GREM1: variants seen among roughly 807,000 people sequenced by gnomAD.
GREM1 encodes the protein gremlin 1, DAN family BMP antagonist.
A neutral mutation model predicts 13.1 loss-of-function variants in GREM1; 6 were observed. The ratio of observed to expected loss-of-function variants is 0.46; its 90% CI spans 0.25 to 0.91. The LOEUF (loss-of-function observed/expected upper bound fraction) is 0.91, where lower values mean the gene tolerates loss of function less well. Among genes scored for constraint, GREM1 ranks in the 40% least tolerant of loss-of-function variants. GREM1 has a pLI of 0.18. For synonymous variants in GREM1, 98 were observed against 93.7 expected, an observed-to-expected ratio of 1.05 and a Z score of -0.27; for missense variants, 185 against 233.9, an observed-to-expected ratio of 0.79 and a Z score of 1.36.
chr15:32,722,973 T>G (rs575509189), intron 1 of GREM1, among the ~76,000 whole-genome samples: 6 of 152,196 alleles, frequency 3.9e-5, no homozygotes, highest in Non-Finnish European at 7.3e-5. Context: ...TGATGCACCC[T>G]GAGTCTATGA....
rs1218112152 is a variant in GREM1 at position 32,740,627 on chromosome 15, A to T, written c.*9382A>T. The T allele has an allele frequency of 6.6e-6, 1 of 152,200 alleles. No homozygotes were observed. Among genetic ancestry groups the T allele is most frequent in the African/African-American group, 2.4e-5 (1 of 41,454 alleles). 9.4% of individuals were successfully genotyped at this position (152,200 alleles called of 1,614,324 possible). ...CATCAAGCTGAACAATATACTCATT[A>T]TTGGCATCACAGAATAAAAGAGAGA... On this transcript the variant is annotated 3_prime_UTR_variant, in exon 2 of 2. Coordinates refer to ENST00000651154, the MANE Select transcript of GREM1 (RefSeq NM_013372.7).
Position 32,736,088 on chromosome 15 carries a change from G to A in GREM1, c.*4843G>A, listed in dbSNP as rs1200938013. 1.3e-5 allele frequency: 2 copies of A among 152,190 alleles called. No individual in the cohort carries two copies. Among genetic ancestry groups the A allele is most frequent in the Admixed American group, 6.5e-5 (1 of 15,280 alleles). The allele number at this position is 152,190 out of a possible 1,614,324, so 9.4% of individuals were successfully genotyped here. A position where few individuals can be genotyped will look rare whatever the true frequency, so the allele number is the denominator to read the frequency against. On this transcript the variant is annotated 3_prime_UTR_variant, in exon 2 of 2. Coordinates refer to ENST00000651154, the MANE Select transcript of GREM1 (RefSeq NM_013372.7). ...AATCAGCAGTCTGGCAGCCACTGAA[G>A]GTGACAGAATGGAGTTGGAGTTCTT...
At chr15:32,718,233 G>T (rs1334658987) in intron 1 of GREM1, 72 bp downstream of exon 1, 23 of 1,189,176 alleles carry the variant, frequency 1.9e-5, no homozygotes, top group Non-Finnish European at 2.5e-5. Context: ...CCCAGGACCC[G>T]CTCAGTTCCA....
Position 32,732,246 on chromosome 15 carries a change from CA to C in GREM1, c.*1006del. ...TCTCTGCATAGGGGTGGGAATTAAT[CA>C]AAAACCTCAGAGGCTGAAATTCCTA... On this transcript the variant is annotated 3_prime_UTR_variant, in exon 2 of 2. Coordinates refer to ENST00000651154, the MANE Select transcript of GREM1 (RefSeq NM_013372.7). 1 of 238,654 alleles carries C rather than the reference CA, an allele frequency of 4.2e-6. No individual in the cohort carries two copies. The allele number at this position is 238,654 out of a possible 1,614,324, so 14.8% of individuals were successfully genotyped here.
At chr15:32,727,716 T>C (rs2055537862) in intron 1 of GREM1, among the ~76,000 whole-genome samples, 1 of 152,218 alleles carries the variant, frequency 6.6e-6, no homozygotes, top group South Asian at 2.1e-4. Context: ...TGTTTGCAGA[T>C]GACATGATTG....
chr15:32,728,311 A>T (rs1017047083), intron 1 of GREM1, among the ~76,000 whole-genome samples: 1 of 152,134 alleles, frequency 6.6e-6, no homozygotes, highest in Non-Finnish European at 1.5e-5. Flanking sequence ...AAGTAAAGTA[A>T]TTTTTTTGTT....
At chr15:32,720,872 C>T (rs2055394518) in intron 1 of GREM1, among the ~76,000 whole-genome samples, 1 of 152,128 alleles carries the variant, frequency 6.6e-6, no homozygotes, top group Admixed American at 6.6e-5. Context: ...AAACTGCTGG[C>T]TGGGCTAGGC....
chr15:32,725,855 G>C (rs982600194), intron 1 of GREM1, among the ~76,000 whole-genome samples: 5 of 151,988 alleles, frequency 3.3e-5, no homozygotes, highest in African/African-American at 1.2e-4. Context: ...TTCTGCGTAT[G>C]GCTAGCCGGT....
At position 32,743,407 on chromosome 15, in the gene GREM1, T is replaced by C. The variant is rs780012777; in HGVS notation, c.*12162T>C. The stretch of plus-strand genomic sequence containing the variant: ...TATCCTGATGAATTTTTTTCTTGGA[T>C]TGAGCCATGTCTGAAGTCAAGCCAA... On this transcript the variant is annotated 3_prime_UTR_variant, in exon 2 of 2. Coordinates refer to ENST00000651154, the MANE Select transcript of GREM1 (RefSeq NM_013372.7). The C allele has an allele frequency of 6.6e-6, 1 of 152,212 alleles. No homozygotes were observed. Among genetic ancestry groups the C allele is most frequent in the African/African-American group, 2.4e-5 (1 of 41,454 alleles). 9.4% of individuals were successfully genotyped at this position (152,212 alleles called of 1,614,324 possible). A position where few individuals can be genotyped will look rare whatever the true frequency, so the allele number is the denominator to read the frequency against.
Position 32,744,713 on chromosome 15 carries a change from GTTATCCT to G in GREM1, c.*13469_*13475del. On this transcript the variant is annotated 3_prime_UTR_variant, in exon 2 of 2. Coordinates refer to ENST00000651154, the MANE Select transcript of GREM1 (RefSeq NM_013372.7). ...TACAGATGCAGGATAACAATGCAGT[GTTATCCT>G]GCATCTGTACAATCAAGCACCCAAA... is the stretch of plus-strand genomic sequence containing the variant. 6.6e-6 allele frequency: 1 copy of G among 151,872 alleles called. No individual in the cohort carries two copies. The highest frequency in any genetic ancestry group is 1.9e-4 in the East Asian group (1 of 5,146). 9.4% of individuals were successfully genotyped at this position (151,872 alleles called of 1,614,324 possible).
At position 32,735,276 on chromosome 15, in the gene GREM1, A is replaced by G. The variant is rs2055683046; in HGVS notation, c.*4031A>G. The G allele has an allele frequency of 6.6e-6, 1 of 152,126 alleles. No homozygotes were observed. Among genetic ancestry groups the G allele is most frequent in the African/African-American group, 2.4e-5 (1 of 41,432 alleles). The allele number at this position is 152,126 out of a possible 1,614,324, so 9.4% of individuals were successfully genotyped here. ...GTATGGGTGCTCTGATGATAATGAA[A>G]ATCCCAGCAGCTATGTATGGGATGG... On this transcript the variant is annotated 3_prime_UTR_variant, in exon 2 of 2. Coordinates refer to ENST00000651154, the MANE Select transcript of GREM1 (RefSeq NM_013372.7).
In GREM1 at chr15:32,738,083, CAAAAAAAAAAAA is replaced by C. The variant is rs67118209; in HGVS notation, c.*6877_*6888del. ...GGAGGTTCTACCTAGGGTAATTAGG[CAAAAAAAAAAAA>C]AAAAAAAAAAAAAAAAAAAAAAAAA... On this transcript the variant is annotated 3_prime_UTR_variant, in exon 2 of 2. Coordinates refer to ENST00000651154, the MANE Select transcript of GREM1 (RefSeq NM_013372.7). 5.3e-5 allele frequency: 1 copy of C among 18,930 alleles called. No homozygotes were observed. Among genetic ancestry groups the C allele is most frequent in the Non-Finnish European group, 8.6e-5 (1 of 11,650 alleles). 1.2% of individuals were successfully genotyped at this position (18,930 alleles called of 1,614,324 possible).
In GREM1 at chr15:32,738,303, A is replaced by G. The variant is rs1049477680; in HGVS notation, c.*7058A>G. On this transcript the variant is annotated 3_prime_UTR_variant, in exon 2 of 2. Transcript: ENST00000651154. ...AGATCAACATACAGATATAAATTGTATTCTACACACTTGTAATGAAAAATC... is the reference window on the plus strand; with the variant it reads ...AGATCAACATACAGATATAAATTGTGTTCTACACACTTGTAATGAAAAATC... 2 of 151,908 alleles carry G rather than the reference A, an allele frequency of 1.3e-5. No individual in the cohort carries two copies. Among genetic ancestry groups the G allele is most frequent in the African/African-American group, 4.8e-5 (2 of 41,388 alleles). 9.4% of individuals were successfully genotyped at this position (151,908 alleles called of 1,614,324 possible).
At chr15:32,724,228 A>T (rs1481312658) in intron 1 of GREM1, among the ~76,000 whole-genome samples, 1 of 152,212 alleles carries the variant, frequency 6.6e-6, no homozygotes, top group African/African-American at 2.4e-5. Context: ...CATTTTTCGG[A>T]TAGATGTTTA....
At chr15:32,728,353 G>C (rs2055551191) in intron 1 of GREM1, among the ~76,000 whole-genome samples, 1 of 152,182 alleles carries the variant, frequency 6.6e-6, no homozygotes, top group Non-Finnish European at 1.5e-5. Context: ...TGCATAAAGA[G>C]CAGGGATGTT....
chr15:32,723,369 T>C (rs1257166467), intron 1 of GREM1, among the ~76,000 whole-genome samples: 1 of 152,164 alleles, frequency 6.6e-6, no homozygotes, highest in African/African-American at 2.4e-5. Flanking sequence ...CTATGAATTA[T>C]AGTTCTTACC....
At position 32,741,130 on chromosome 15, in the gene GREM1, T is replaced by C. The variant is rs1439923366; in HGVS notation, c.*9885T>C. ...TCCACATTTAATGTTTTTTGTTCAC[T>C]GTGGTGTAGTAATAAATGTCTATAC... On this transcript the variant is annotated 3_prime_UTR_variant, in exon 2 of 2. Transcript: ENST00000651154. The C allele has an allele frequency of 6.6e-6, 1 of 152,240 alleles. No homozygotes were observed. Among genetic ancestry groups the C allele is most frequent in the Non-Finnish European group, 1.5e-5 (1 of 68,032 alleles). The allele number at this position is 152,240 out of a possible 1,614,324, so 9.4% of individuals were successfully genotyped here. A position where few individuals can be genotyped will look rare whatever the true frequency, so the allele number is the denominator to read the frequency against.
rs1451819552 is a variant in GREM1 at position 32,736,297 on chromosome 15, G to A, written c.*5052G>A. 1.3e-5 allele frequency: 2 copies of A among 152,212 alleles called. No individual in the cohort carries two copies. The highest frequency in any genetic ancestry group is 2.9e-5 in the Non-Finnish European group (2 of 68,042). The allele number at this position is 152,212 out of a possible 1,614,324, so 9.4% of individuals were successfully genotyped here. ...GGGTAATGTATAACAGTTGGGGAAAGCAATTGGCTAAATAAAAAGCCTAAA... is the reference window on the plus strand; with the variant it reads ...GGGTAATGTATAACAGTTGGGGAAAACAATTGGCTAAATAAAAAGCCTAAA... On this transcript the variant is annotated 3_prime_UTR_variant, in exon 2 of 2. Transcript: ENST00000651154.
At chr15:32,720,970 A>T (rs1001771467) in intron 1 of GREM1, among the ~76,000 whole-genome samples, 2 of 152,172 alleles carry the variant, frequency 1.3e-5, no homozygotes, top group Non-Finnish European at 2.9e-5. Flanking sequence ...CAGCCTGACC[A>T]ACATGGAAAA....
Sources: allele counts gnomAD v4.1 joint callset (sites outside exome capture counted in the v4.1 genomes callset), GRCh38; gene constraint gnomAD v4.1.1; transcripts MANE v1.5; gene names NCBI Gene and HGNC (gene_info 2026-07-23, HGNC 2026-07-21).